CDYL: variants seen among roughly 807,000 people sequenced by gnomAD.
The protein encoded by CDYL is chromodomain Y like, also known as chromodomain Y-like protein.
CDYL carries 8 observed loss-of-function variants against 47.3 expected under a neutral mutation model. The observed-to-expected ratio is 0.17, with a 90% CI of 0.10 to 0.31. The LOEUF (loss-of-function observed/expected upper bound fraction) is 0.31. Ranked by LOEUF, CDYL falls within the 10% of genes least tolerant of loss-of-function variation. CDYL has a pLI of 1.00. For synonymous variants in CDYL, 266 were observed against 265.0 expected (o/e 1.00, Z -0.04); for missense variants, 471 against 701.4 (o/e 0.67, Z 3.71).
In CDYL at chr6:4,892,053, A is replaced by C; in HGVS notation, c.365A>C (p.Asn122Thr). 6.2e-7 allele frequency: 1 copy of C among 1,614,240 alleles called. No individual in the cohort carries two copies. The change falls in exon 2 of 7, where the codon AAC (asparagine) becomes ACC (threonine). Residue 122 changes from asparagine (N) to threonine (T), a missense_variant. This residue lies in a region of CDYL where 311 missense variants were observed against 350.0 expected (regional missense o/e 0.89). Coordinates refer to ENST00000397588, the MANE Select transcript of CDYL (RefSeq NM_004824.4). The stretch of plus-strand genomic sequence containing the variant: ...GCTGCCAGCCAGAAGTTCAGGAAGA[A>C]CACAGCTCCATCTCTCTCCAGCCGG... ...LFAASQKFRK[N>T]TAPSLSSRKN...
At chr6:4,856,989 C>G (rs893322635) in intron 1 of CDYL, among the ~76,000 whole-genome samples, 1 of 152,098 alleles carries the variant, frequency 6.6e-6, no homozygotes, top group African/African-American at 2.4e-5. Flanking sequence ...CTCAGCCAGC[C>G]GGGGGAAGTC....
intron 2 of CDYL, among the ~76,000 whole-genome samples, chr6:4,916,094 A>T (rs1757549257): frequency 1.3e-5 from 2 of 152,150 alleles, no homozygotes; most frequent in South Asian, 4.1e-4. Context: ...TTTGCCCATA[A>T]CTTCTGTATT....
intron 3 of CDYL, among the ~76,000 whole-genome samples, chr6:4,749,315 G>GGATGGATA (rs1554133654): frequency 1.6e-5 from 2 of 128,518 alleles, no homozygotes; most frequent in African/African-American, 5.4e-5. Context: ...ATAGATGGAT[G>GGATGGATA]GATGGATGGA....
intron 1 of CDYL, among the ~76,000 whole-genome samples, chr6:4,828,569 A>G (rs1018104970): frequency 6.6e-6 from 1 of 152,012 alleles, no homozygotes; most frequent in African/African-American, 2.4e-5. Flanking sequence ...TTTGCTTCCA[A>G]TAGTTTGATT....
At chr6:4,786,849 T>A (rs1408709015) in intron 1 of CDYL, among the ~76,000 whole-genome samples, 1 of 152,196 alleles carries the variant, frequency 6.6e-6, no homozygotes, top group Non-Finnish European at 1.5e-5. Flanking sequence ...TTCCTGAGTG[T>A]TATTGTCTGC....
chr6:4,803,441 C>T (rs2127440431), intron 1 of CDYL, among the ~76,000 whole-genome samples: 1 of 152,334 alleles, frequency 6.6e-6, no homozygotes, highest in South Asian at 2.1e-4. Flanking sequence ...TCTCCTCCAT[C>T]TGCCTTGAAG....
In CDYL at chr6:4,933,265, C is replaced by G. The variant is rs191519996; in HGVS notation, c.692-2250C>G. Among the ~76,000 whole-genome samples, 5 of 152,340 alleles carry G rather than the reference C, an allele frequency of 3.3e-5. 1 individual carries two copies. Among genetic ancestry groups the G allele is most frequent in the Admixed American group, 2.0e-4 (3 of 15,308 alleles). On this transcript the variant is annotated intron_variant, in intron 2 of 6. Transcript: ENST00000397588. ...ACCTCTCTCCAACCCTGACTTCCCT[C>G]CCCTGATCTAGATGTGCACTTTGGG...
At chr6:4,896,328 T>C (rs1182551753) in intron 2 of CDYL, among the ~76,000 whole-genome samples, 1 of 152,214 alleles carries the variant, frequency 6.6e-6, no homozygotes, top group Non-Finnish European at 1.5e-5. Flanking sequence ...AGAGCTTTGT[T>C]ATACTCTGCT....
intron 6 of CDYL, among the ~76,000 whole-genome samples, 185 bp from the exon 7 acceptor site, chr6:4,953,713 C>T (rs910376299): frequency 6.6e-6 from 1 of 152,200 alleles, no homozygotes; most frequent in Non-Finnish European, 1.5e-5. Flanking sequence ...AGAATGCACC[C>T]AGTGCCAAGT....
chr6:4,903,686 G>A (rs1757139676), intron 2 of CDYL, among the ~76,000 whole-genome samples: 1 of 152,194 alleles, frequency 6.6e-6, no homozygotes, highest in South Asian at 2.1e-4. Context: ...CGCTTTGTGT[G>A]CTCGGCCCCT....
At chr6:4,932,073 A>C (rs905364133) in intron 2 of CDYL, among the ~76,000 whole-genome samples, 7 of 152,164 alleles carry the variant, frequency 4.6e-5, no homozygotes, top group Non-Finnish European at 8.8e-5. Flanking sequence ...GAAAGGAAAG[A>C]CCCAGTGAAA....
rs1411149054 is a variant in CDYL at position 4,716,613 on chromosome 6, T to TTTTG, written c.103+732_103+733insTTTG. Among the ~76,000 whole-genome samples, 7 of 150,136 alleles carry TTTTG rather than the reference T, an allele frequency of 4.7e-5. No homozygotes were observed. The East Asian group carries it at 9.7e-4, about 21-fold the overall frequency. On this transcript the variant is annotated intron_variant, in intron 2 of 8. Coordinates refer to the CDYL transcript ENST00000328908. ...CAATAATTTTTTTTTTTTTTTTTTT[T>TTTTG]GCCTCATCTTCACTAAGGGATGCCT...
chr6:4,733,224 G>A (rs1052725297), intron 2 of CDYL: 1 of 152,190 alleles, frequency 6.6e-6, no homozygotes, highest in Non-Finnish European at 1.5e-5. Context: ...AGGAATGTCA[G>A]TGACTCTTCA....
intron 2 of CDYL, among the ~76,000 whole-genome samples, chr6:4,733,543 C>G (rs1757647427): frequency 6.6e-6 from 1 of 151,934 alleles, no homozygotes; most frequent in Admixed American, 6.6e-5. Context: ...ATACTTTTTT[C>G]AACCTCTGGC....
At chr6:4,833,833 T>C (rs1345854092) in intron 1 of CDYL, among the ~76,000 whole-genome samples, 5 of 152,082 alleles carry the variant, frequency 3.3e-5, no homozygotes, top group South Asian at 2.1e-4. Context: ...TGTAATGGCC[T>C]TCTTTGTCTC....
intron 1 of CDYL, among the ~76,000 whole-genome samples, chr6:4,824,890 A>G (rs1759936001): frequency 2.0e-5 from 3 of 151,600 alleles, no homozygotes; most frequent in African/African-American, 7.3e-5. Flanking sequence ...TTTTTCTTTG[A>G]AACAGAGTCT....
intron 1 of CDYL, among the ~76,000 whole-genome samples, chr6:4,820,787 A>G (rs749039647): frequency 6.6e-6 from 1 of 152,250 alleles, no homozygotes; most frequent in Non-Finnish European, 1.5e-5. Flanking sequence ...GTGTGGAAAC[A>G]GTCCTGCAAA....
chr6:4,926,964 G>A (rs571514373), intron 2 of CDYL, among the ~76,000 whole-genome samples: 1 of 152,148 alleles, frequency 6.6e-6, no homozygotes, highest in Non-Finnish European at 1.5e-5. Flanking sequence ...CATGTGTAAG[G>A]TGTGATGCAA....
chr6:4,756,116 C>T (rs1432042449), intron 3 of CDYL, among the ~76,000 whole-genome samples: 2 of 152,106 alleles, frequency 1.3e-5, no homozygotes, highest in African/African-American at 2.4e-5. Flanking sequence ...AATCTCTGCC[C>T]TCTCTTTCTG....
Sources: gnomAD v4.1 joint callset for allele counts (sites outside exome capture counted in the v4.1 genomes callset) on GRCh38, gnomAD v4.1.1 for gene constraint, gnomAD v4.1.1 regional missense constraint, MANE v1.5 for transcripts, NCBI Gene and HGNC (gene_info 2026-07-23, HGNC 2026-07-21) for gene names.